The following RNF6 variants were observed in gnomAD, a reference collection of about 807,000 sequenced individuals.
RNF6 encodes the protein E3 ubiquitin-protein ligase RNF6.
In RNF6, 21 loss-of-function variants were observed where a neutral mutation model predicts 50.1. That is an observed-to-expected ratio of 0.42 (90% CI 0.30 to 0.60). RNF6 has a LOEUF of 0.60. Ranked by LOEUF, RNF6 falls within the 20% of genes least tolerant of loss-of-function variation. RNF6 has a pLI of 0.20. For missense variants in RNF6, 698 were observed against 838.2 expected, an observed-to-expected ratio of 0.83 and a Z score of 2.07; for synonymous variants, 255 against 291.8, an observed-to-expected ratio of 0.87 and a Z score of 1.29.
downstream of RNF6, among the ~76,000 whole-genome samples, chr13:26,209,117 T>G (rs566793497): frequency 6.6e-5 from 10 of 152,254 alleles, no homozygotes; most frequent in African/African-American, 2.4e-4. Context: ...TGTCAAAAAG[T>G]CCCTAGCCTG....
In RNF6 at chr13:26,168,749, C is replaced by T. The variant is rs142608551; in HGVS notation, n.769-36298G>A. Among the ~76,000 whole-genome samples the T allele has an allele frequency of 4.6e-3, 705 of 152,334 alleles. 2 individuals are homozygous for T. Among genetic ancestry groups the T allele is most frequent in the Non-Finnish European group, 8.0e-3 (547 of 68,030 alleles). On this transcript the variant is annotated intron_variant and non_coding_transcript_variant, in intron 5 of 5. Coordinates refer to the RNF6 transcript ENST00000468480. ...GACTCTGGCCAGGCATAGTGGCTCA[C>T]GCCAATAATCCTAGCACTTTAGGAA...
rs150315363 is a variant in RNF6, at chr13:26,146,460, A to T, written n.769-14009T>A. On this transcript the variant is annotated intron_variant and non_coding_transcript_variant, in intron 5 of 5. Transcript: ENST00000468480. ...TCCCACTGTAAGGTCTGGCCTACAG[A>T]GAAGAGTGATCACAGAACGCTTTAA... 8.3e-3 allele frequency among the ~76,000 whole-genome samples: 1,258 copies of T among 152,374 alleles called. 13 individuals are homozygous for T. Among genetic ancestry groups the T allele is most frequent in the African/African-American group, 0.029 (1,186 of 41,596 alleles).
At chr13:26,132,205 C>T (rs1430571222) in exon 6 of RNF6, 1 of 251,482 alleles carries the variant, frequency 4.0e-6, no homozygotes. Context: ...TATTTCAAAG[C>T]CAAGTACAAT....
chr13:26,136,791 A>T (rs1870666897), intron 5 of RNF6, among the ~76,000 whole-genome samples: 2 of 152,124 alleles, frequency 1.3e-5, no homozygotes, highest in Admixed American at 1.3e-4. Context: ...ATGATAAAGG[A>T]TCTCCAAAAT....
intron 1 of RNF6, 32 bp downstream of exon 1, chr13:26,221,962 AGGAAGTAGT>A (rs1391890587): frequency 2.0e-5 from 3 of 152,412 alleles, no homozygotes; most frequent in Admixed American, 1.3e-4. Flanking sequence ...CGGCGTCTCC[AGGAAGTAGT>A]GGTGGGACCC....
chr13:26,204,207 G>T (rs1164475885), intron 5 of RNF6, among the ~76,000 whole-genome samples: 1 of 151,680 alleles, frequency 6.6e-6, no homozygotes, highest in African/African-American at 2.4e-5. Context: ...GTAGAAAAGA[G>T]AAATAAGGCC....
chr13:26,214,710 A>T lies in RNF6; in HGVS notation c.1172T>A (p.Val391Glu). ...GEESSRSSTA[V>E]RRHPTITLDL... ...CAGTGTGATTGTTGGATGTCGTCGT[A>T]CAGCAGTTGAGGATCTGCTGGATTC... Residue 391 changes from valine (V) to glutamate (E), a missense_variant, in exon 5 of 5, where the codon GTA (valine) becomes GAA (glutamate). Val to Glu is a moderately radical substitution (Grantham distance 121, BLOSUM62 -2). Transcript: ENST00000381588. 6.2e-7 allele frequency: 1 copy of T among 1,614,220 alleles called. No individual in the cohort carries two copies. Among genetic ancestry groups the T allele is most frequent in the Non-Finnish European group, 8.5e-7 (1 of 1,180,038 alleles).
intron 5 of RNF6, among the ~76,000 whole-genome samples, chr13:26,157,440 GA>G (rs1871987153): frequency 1.3e-5 from 2 of 151,908 alleles, no homozygotes; most frequent in African/African-American, 4.8e-5. Flanking sequence ...TGTTAAGAAA[GA>G]AACATGAATA....
Position 26,184,977 on chromosome 13 carries a change from G to A in RNF6, n.768+30497C>T, listed in dbSNP as rs7324092. Among the ~76,000 whole-genome samples, 1,145 of 149,928 alleles carry A rather than the reference G, an allele frequency of 7.6e-3. 22 individuals carry two copies. Among genetic ancestry groups the A allele is most frequent in the African/African-American group, 0.026 (1,043 of 39,642 alleles). On this transcript the variant is annotated intron_variant and non_coding_transcript_variant, in intron 5 of 5. Transcript: ENST00000468480. ...AATTATTTTAGAACTTGTAGGTATT[G>A]TTATCATTTTATTGATTGATTGATT... is the stretch of plus-strand genomic sequence containing the variant.
At chr13:26,202,868 A>G (rs903663544) in intron 5 of RNF6, among the ~76,000 whole-genome samples, 1 of 152,230 alleles carries the variant, frequency 6.6e-6, no homozygotes, top group African/African-American at 2.4e-5. Flanking sequence ...AGTCAGCAAC[A>G]AAAGTCCTTT....
chr13:26,206,757 T>C (rs1164116341), intron 5 of RNF6, among the ~76,000 whole-genome samples: 1 of 152,072 alleles, frequency 6.6e-6, no homozygotes, highest in Admixed American at 6.6e-5. Context: ...TACATATATA[T>C]TGAGGGACCT....
upstream of RNF6, chr13:26,222,616 C>G (rs1185849862): frequency 6.6e-6 from 1 of 152,434 alleles, no homozygotes; most frequent in African/African-American, 2.4e-5. Context: ...TGCTTTGGAA[C>G]CTGGAAATTA....
intron 5 of RNF6, among the ~76,000 whole-genome samples, chr13:26,190,549 A>C (rs1010101733): frequency 6.6e-6 from 1 of 152,182 alleles, no homozygotes; most frequent in Admixed American, 6.5e-5. Flanking sequence ...ATGTTGGCCA[A>C]CCCTAAATGT....
chr13:26,211,494 C>G (rs954962200), downstream of RNF6, among the ~76,000 whole-genome samples: 2 of 152,160 alleles, frequency 1.3e-5, no homozygotes, highest in African/African-American at 4.8e-5. Flanking sequence ...CATGGTGGCT[C>G]ATGCCTATAA....
At chr13:26,165,925 G>A (rs1872429788) in intron 5 of RNF6, among the ~76,000 whole-genome samples, 1 of 152,150 alleles carries the variant, frequency 6.6e-6, no homozygotes, top group South Asian at 2.1e-4. Flanking sequence ...AAGACTTTTG[G>A]GGACTGTTGG....
intron 5 of RNF6, among the ~76,000 whole-genome samples, chr13:26,199,109 G>A (rs942450372): frequency 2.6e-5 from 4 of 151,890 alleles, no homozygotes; most frequent in Non-Finnish European, 5.9e-5. Context: ...CTTTTACATA[G>A]ACATTAACAA....
intron 5 of RNF6, among the ~76,000 whole-genome samples, chr13:26,166,774 G>C (rs1054688757): frequency 6.6e-6 from 1 of 152,092 alleles, no homozygotes; most frequent in East Asian, 1.9e-4. Flanking sequence ...ACAAAAGGTA[G>C]CCAGGCATGG....
intron 5 of RNF6, among the ~76,000 whole-genome samples, chr13:26,155,078 T>C (rs1025734732): frequency 6.6e-6 from 1 of 151,746 alleles, no homozygotes; most frequent in Non-Finnish European, 1.5e-5. Flanking sequence ...CTCTGTCTTA[T>C]AGTTTCAGAA....
Position 26,214,874 on chromosome 13 carries a change from G to A in RNF6, c.1008C>T (p.Thr336=), listed in dbSNP as rs1436440866. 6.2e-7 allele frequency: 1 copy of A among 1,614,172 alleles called. No homozygotes were observed. Among genetic ancestry groups the A allele is most frequent in the East Asian group, 2.2e-5 (1 of 44,884 alleles). Residue 336 remains threonine (T), a synonymous_variant, in exon 5 of 5, where the codon ACC becomes ACT. Transcript: ENST00000381588. ...CTCTCCTCCTAACAGATCTTCTAGTGGTTTGCTGTACTGGTCTACTTTCCC... is the reference window on the plus strand; with the variant it reads ...CTCTCCTCCTAACAGATCTTCTAGTAGTTTGCTGTACTGGTCTACTTTCCC... ...SQRESRPVQQ[T]TRRSVRRRGR... is the part of the protein sequence containing the mutation.
Sources: allele counts gnomAD v4.1 joint callset (sites outside exome capture counted in the v4.1 genomes callset), GRCh38; gene constraint gnomAD v4.1.1; transcripts MANE v1.5; gene names NCBI Gene and HGNC (gene_info 2026-07-23, HGNC 2026-07-21).